Variants in QTRT1 observed in about 807,000 individuals in gnomAD.
QTRT1 encodes the protein TGT, 43-KD subunit.
QTRT1 carries 41 observed loss-of-function variants against 44.0 expected under a neutral mutation model. That is an observed-to-expected ratio of 0.93 (90% CI 0.73 to 1.21). The LOEUF (loss-of-function observed/expected upper bound fraction) is 1.21. QTRT1 is among the 50% of genes most tolerant of loss of function. The pLI, the probability that QTRT1 is intolerant of heterozygous loss-of-function variation, is 0.00. For missense variants in QTRT1, 542 were observed against 575.8 expected (o/e 0.94, Z 0.60); for synonymous variants, 226 against 237.1 (o/e 0.95, Z 0.43).
chr19:10,702,102 G>A lies in QTRT1; in HGVS notation c.313-14G>A. On this transcript the variant is annotated splice_polypyrimidine_tract_variant and intron_variant, in intron 2 of 9. Coordinates refer to ENST00000250237, the MANE Select transcript of QTRT1 (RefSeq NM_031209.3). Reference sequence around the variant, plus strand: ...CTCCACCCCCTGACAGCTTTGCGGTGGGGTTTCCCTTAGGACAGCGGCGGT... The same window carrying A: ...CTCCACCCCCTGACAGCTTTGCGGTAGGGTTTCCCTTAGGACAGCGGCGGT... 3.1e-6 allele frequency: 5 copies of A among 1,614,120 alleles called. No homozygotes were observed. The highest frequency in any genetic ancestry group is 3.4e-6 in the Non-Finnish European group (4 of 1,180,020).
chr19:10,703,836 AT>A (rs2068700816), intron 3 of QTRT1, among the ~76,000 whole-genome samples: 1 of 148,990 alleles, frequency 6.7e-6, no homozygotes, highest in Non-Finnish European at 1.5e-5. Flanking sequence ...TTATTTTTTT[AT>A]GTTTATTTAT....
At chr19:10,711,956 C>G (rs1376071982) in intron 5 of QTRT1, 2 of 643,960 alleles carry the variant, frequency 3.1e-6, no homozygotes, top group Admixed American at 5.2e-5. Context: ...AGTCCCAGCC[C>G]CTAGACAGAC....
intron 5 of QTRT1, among the ~76,000 whole-genome samples, chr19:10,708,545 C>G (rs750924896): frequency 6.6e-5 from 10 of 152,146 alleles, no homozygotes; most frequent in Non-Finnish European, 1.0e-4. Flanking sequence ...ACAAGCACCG[C>G]CCCATGGGGT....
chr19:10,713,287 G>A lies in QTRT1; in HGVS notation c.*17G>A. The stretch of plus-strand genomic sequence containing the variant: ...CTGGGCTGACCTGGCATTGGGAGAG[G>A]GAGGGAGGAAGGAAGGGAGGGAGGG... On this transcript the variant is annotated 3_prime_UTR_variant, in exon 10 of 10. Transcript: ENST00000250237. The surrounding 1 kb of genome is among the most constrained non-coding windows in gnomAD (Gnocchi z 4.3). 4.4e-6 allele frequency: 7 copies of A among 1,579,726 alleles called. No individual in the cohort carries two copies. The highest frequency in any genetic ancestry group is 1.2e-5 in the South Asian group (1 of 86,430).
In QTRT1 at chr19:10,713,166, C is replaced by T; in HGVS notation, c.1108C>T (p.Pro370Ser). The change falls in exon 10 of 10, where the codon CCG becomes TCG. Residue 370 changes from proline (P) to serine (S), a missense_variant. Coordinates refer to ENST00000250237, the MANE Select transcript of QTRT1 (RefSeq NM_031209.3). The surrounding 1 kb of genome is among the most constrained non-coding windows in gnomAD (Gnocchi z 4.3). ...VRTSIVEKRFPDFVRDFMGAM... is the reference protein window; with the variant it reads ...VRTSIVEKRFSDFVRDFMGAM... ...CACCAGCATCGTGGAGAAGCGCTTC[C>T]CGGACTTCGTGCGGGACTTCATGGG... 6.2e-7 allele frequency: 1 copy of T among 1,609,488 alleles called. No individual in the cohort carries two copies. The highest frequency in any genetic ancestry group is 8.5e-7 in the Non-Finnish European group (1 of 1,177,942).
intron 3 of QTRT1, among the ~76,000 whole-genome samples, chr19:10,704,916 AT>A (rs57490073): frequency 0.081 from 10,763 of 133,294 alleles, 587 homozygotes; most frequent in African/African-American, 0.18. Context: ...GAATGTCGTA[AT>A]TTTTTTTTTT....
At chr19:10,708,506 A>G (rs1275268791) in intron 5 of QTRT1, among the ~76,000 whole-genome samples, 2 of 152,082 alleles carry the variant, frequency 1.3e-5, no homozygotes, top group Non-Finnish European at 2.9e-5. Flanking sequence ...GTGCGTCATC[A>G]AAGTCATTTC....
rs765126478 is a variant in QTRT1 at position 10,701,597 on chromosome 19, T to C, written c.137T>C (p.Met46Thr). Residue 46 changes from methionine to threonine, a missense_variant, in exon 1 of 10, where the codon ATG becomes ACG. By Grantham distance (81) the Met-to-Thr change is moderately conservative. Coordinates refer to ENST00000250237, the MANE Select transcript of QTRT1 (RefSeq NM_031209.3). ...GGGACAGTGGCCACTCCTGTGTTCA[T>C]GCCAGTGGGCACGCAGGCCACCATG... is the stretch of plus-strand genomic sequence containing the variant. ...PHGTVATPVF[M>T]PVGTQATMKG... 9.3e-6 allele frequency: 15 copies of C among 1,608,532 alleles called. No individual in the cohort carries two copies. Among genetic ancestry groups the C allele is most frequent in the African/African-American group, 1.3e-5 (1 of 74,888 alleles).
At chr19:10,708,158 T>C (rs2068723362) in intron 5 of QTRT1, among the ~76,000 whole-genome samples, 1 of 151,624 alleles carries the variant, frequency 6.6e-6, no homozygotes, top group African/African-American at 2.4e-5. Flanking sequence ...AGAGACAGGG[T>C]TTCACCATTT....
intron 3 of QTRT1, among the ~76,000 whole-genome samples, chr19:10,704,356 C>T (rs1419927942): frequency 1.3e-5 from 2 of 152,054 alleles, no homozygotes; most frequent in Non-Finnish European, 2.9e-5. Flanking sequence ...TGCGGTGGCG[C>T]GATCTCGGCT....
intron 5 of QTRT1, among the ~76,000 whole-genome samples, chr19:10,710,020 GAAAA>G (rs1230489193): frequency 1.3e-5 from 2 of 151,554 alleles, no homozygotes; most frequent in Non-Finnish European, 2.9e-5. Flanking sequence ...CAAAAAAAAA[GAAAA>G]AAAGAAAATT....
chr19:10,708,855 T>G (rs537583341), intron 5 of QTRT1: 2 of 150,098 alleles, frequency 1.3e-5, no homozygotes, highest in Admixed American at 1.3e-4. Flanking sequence ...AACCTCCACC[T>G]TCCGGTTTCA....
chr19:10,708,788 G>A (rs2068726148), intron 5 of QTRT1, among the ~76,000 whole-genome samples: 3 of 141,796 alleles, frequency 2.1e-5, no homozygotes. Flanking sequence ...TTTTTGAGAC[G>A]GAGTTTCGCT....
At position 10,712,446 on chromosome 19, in the gene QTRT1, G is replaced by A; in HGVS notation, c.786-107G>A. 2 of 1,447,358 alleles carry A rather than the reference G, an allele frequency of 1.4e-6. No homozygotes were observed. The highest frequency in any genetic ancestry group is 2.3e-5 in the South Asian group (2 of 86,346). The allele number at this position is 1,447,358 out of a possible 1,614,324, so 89.7% of individuals were successfully genotyped here. ...AGGAAGACATGGCTGTCCCTTGGGG[G>A]CCATTCTGAGGGAATATGGCCCAGT... On this transcript the variant is annotated intron_variant, in intron 6 of 9. Transcript: ENST00000250237. The surrounding 1 kb of genome is among the most constrained non-coding windows in gnomAD (Gnocchi z 5.6).
Sources: allele counts gnomAD v4.1 joint callset (sites outside exome capture counted in the v4.1 genomes callset), GRCh38; gene constraint gnomAD v4.1.1; non-coding constraint Gnocchi (gnomAD v3.1); transcripts MANE v1.5; gene names NCBI Gene and HGNC (gene_info 2026-07-23, HGNC 2026-07-21).